ACSS2: variants seen among roughly 807,000 people sequenced by gnomAD.
ACSS2 encodes acetyl-coenzyme A synthetase, cytoplasmic.
ACSS2 carries 58 observed loss-of-function variants against 90.6 expected under a neutral mutation model. The ratio of observed to expected loss-of-function variants is 0.64; its 90% CI spans 0.52 to 0.80. The LOEUF (loss-of-function observed/expected upper bound fraction) is 0.80, where lower values mean the gene tolerates loss of function less well. Ranked by LOEUF, ACSS2 falls within the 30% of genes least tolerant of loss-of-function variation. ACSS2 has a pLI of 0.00. For synonymous variants in ACSS2, 300 were observed against 330.9 expected, an observed-to-expected ratio of 0.91 and a Z score of 1.01; for missense variants, 759 against 912.0, an observed-to-expected ratio of 0.83 and a Z score of 2.16.
intron 2 of ACSS2, among the ~76,000 whole-genome samples, chr20:34,905,719 T>C (rs542398723): frequency 1.9e-4 from 29 of 152,366 alleles, no homozygotes; most frequent in Admixed American, 3.9e-4. Flanking sequence ...CCAGTTTTCC[T>C]GTCCTTCCCC....
intron 2 of ACSS2, among the ~76,000 whole-genome samples, chr20:34,883,301 A>T (rs1048362614): frequency 6.6e-6 from 1 of 152,228 alleles, no homozygotes; most frequent in African/African-American, 2.4e-5. Context: ...GACAAATAGT[A>T]TTGGGTTTTT....
intron 2 of ACSS2, among the ~76,000 whole-genome samples, chr20:34,884,617 A>G (rs1331228899): frequency 2.6e-5 from 4 of 152,192 alleles, no homozygotes; most frequent in Non-Finnish European, 5.9e-5. Context: ...ACCATTGCTT[A>G]GTTGGGGGCC....
At chr20:34,894,578 T>G (rs181336482) in intron 2 of ACSS2, among the ~76,000 whole-genome samples, 1 of 152,010 alleles carries the variant, frequency 6.6e-6, no homozygotes, top group Non-Finnish European at 1.5e-5. Context: ...GGTGGGAGGA[T>G]TTCTTGAGCC....
chr20:34,890,770 T>A (rs893754979), intron 2 of ACSS2, among the ~76,000 whole-genome samples: 2 of 152,138 alleles, frequency 1.3e-5, no homozygotes, highest in East Asian at 3.9e-4. Context: ...GCTCTCAGTA[T>A]ATTTCAATCC....
intron 2 of ACSS2, among the ~76,000 whole-genome samples, chr20:34,900,345 T>A (rs1285710945): frequency 4.0e-5 from 6 of 151,848 alleles, no homozygotes; most frequent in Non-Finnish European, 7.4e-5. Flanking sequence ...AAATTTTTTT[T>A]TTTTTTTTTA....
In ACSS2 at chr20:34,926,930, G is replaced by A. The variant is rs141522623; in HGVS notation, c.1957G>A (p.Gly653Ser). Residue 653 changes from glycine to serine, a missense_variant, in exon 17 of 18, where the codon GGC becomes AGC. Coordinates refer to ENST00000360596, the MANE Select transcript of ACSS2 (RefSeq NM_018677.4). ...ATPDYIQNAP[G>S]LPKTRSGKIM... ...ACCAGACTACATCCAGAATGCACCT[G>A]GCTTGCCTAAAACCCGCTCAGGTAT... 5 of 1,614,068 alleles carry A rather than the reference G, an allele frequency of 3.1e-6. No individual in the cohort carries two copies. Among genetic ancestry groups the A allele is most frequent in the African/African-American group, 1.3e-5 (1 of 74,910 alleles).
rs1450618231 is a variant in ACSS2, at chr20:34,920,646, T to C, written c.1080T>C (p.Gly360=). Residue 360 remains glycine, a synonymous_variant, in exon 9 of 18, where the codon GGT becomes GGC. Transcript: ENST00000360596. ...EDVFWCTADI[G]WITGHSYVTY... is the part of the protein sequence containing the mutation. ...TGTTCTGGTGCACGGCAGACATTGG[T>C]TGGATCACTGGTCATTCCTACGTCA... is the stretch of plus-strand genomic sequence containing the variant. 1 of 1,614,170 alleles carries C rather than the reference T, an allele frequency of 6.2e-7. No homozygotes were observed. Among genetic ancestry groups the C allele is most frequent in the Non-Finnish European group, 8.5e-7 (1 of 1,180,014 alleles).
chr20:34,875,204 G>A (rs540868572), upstream of ACSS2: 13 of 533,792 alleles, frequency 2.4e-5, no homozygotes, highest in East Asian at 7.1e-4. Flanking sequence ...GAAGCTAGAG[G>A]TAATTAAGCC....
intron 2 of ACSS2, among the ~76,000 whole-genome samples, chr20:34,905,506 C>T (rs1242997760): frequency 1.3e-5 from 2 of 151,260 alleles, no homozygotes; most frequent in African/African-American, 4.9e-5. Context: ...ATGATCCGCC[C>T]GCCTCAGCCT....
At position 34,913,184 on chromosome 20, in the gene ACSS2, C is replaced by T; in HGVS notation, c.463C>T (p.Gln155Ter). 4 of 1,614,024 alleles carry T rather than the reference C, an allele frequency of 2.5e-6. No homozygotes were observed. Among genetic ancestry groups the T allele is most frequent in the Non-Finnish European group, 3.4e-6 (4 of 1,179,986 alleles). ...TCAGTTCAGCAATGTTCTCCGAAAA[C>T]AGGGTGAGTGTGGGGGTGTGGGAAA... ...VCQFSNVLRK[Q>*]GIQKGDRVAI... The change falls in exon 3 of 18, where the codon CAG becomes TAG. Residue 155 changes from glutamine (Q) to a stop codon, truncating the protein, a stop_gained. Coordinates refer to ENST00000360596, the MANE Select transcript of ACSS2 (RefSeq NM_018677.4). LOFTEE classifies it high-confidence loss of function.
At chr20:34,912,614 A>G (rs972671496) in intron 2 of ACSS2, 3 of 169,344 alleles carry the variant, frequency 1.8e-5, no homozygotes, top group African/African-American at 7.2e-5. Flanking sequence ...AATTCCTTGT[A>G]CCATCTTGTA....
chr20:34,889,035 C>T (rs1473161676), intron 2 of ACSS2, among the ~76,000 whole-genome samples: 6 of 148,082 alleles, frequency 4.1e-5, no homozygotes, highest in Non-Finnish European at 7.4e-5. Context: ...GACAGAGTCT[C>T]GCTCTGTTGC....
intron 2 of ACSS2, among the ~76,000 whole-genome samples, chr20:34,888,743 A>G (rs1025494200): frequency 6.6e-6 from 1 of 152,206 alleles, no homozygotes; most frequent in Non-Finnish European, 1.5e-5. Context: ...ATGACATTTG[A>G]GCAGAGATCT....
At chr20:34,917,743 GTTGTTTTTGTTT>G (rs563073009) in intron 7 of ACSS2, among the ~76,000 whole-genome samples, 12 of 151,806 alleles carry the variant, frequency 7.9e-5, no homozygotes, top group Middle Eastern at 6.8e-3. Flanking sequence ...GGTTTTTTTT[GTTGTTTTTGTTT>G]TTGTTTTTGT....
Position 34,920,206 on chromosome 20 carries a change from A to G in ACSS2, c.973-333A>G, listed in dbSNP as rs146237464. ...TTCCCACTCACTCTGATGGTGTGTAATTGAGTGTGTGGGCACAAATACACA... is the reference window on the plus strand; with the variant it reads ...TTCCCACTCACTCTGATGGTGTGTAGTTGAGTGTGTGGGCACAAATACACA... On this transcript the variant is annotated intron_variant, in intron 8 of 17. Coordinates refer to ENST00000360596, the MANE Select transcript of ACSS2 (RefSeq NM_018677.4). Among the ~76,000 whole-genome samples, 5 of 152,288 alleles carry G rather than the reference A, an allele frequency of 3.3e-5. No individual in the cohort carries two copies. The East Asian group carries it at 9.6e-4, about 29-fold the overall frequency.
Position 34,915,856 on chromosome 20 carries a change from C to T in ACSS2, c.834+1419C>T, listed in dbSNP as rs528435181. On this transcript the variant is annotated intron_variant, in intron 7 of 17. Coordinates refer to ENST00000360596, the MANE Select transcript of ACSS2 (RefSeq NM_018677.4). ...GGGGGTGCTCAAAGCAGATTAGTAT[C>T]GAGGAAAGAGTGGGCCTGAAGTCCA... 3.3e-5 allele frequency among the ~76,000 whole-genome samples: 5 copies of T among 152,236 alleles called. No individual in the cohort carries two copies. The South Asian group carries it at 6.2e-4, about 19-fold the overall frequency.
chr20:34,919,228 G>A (rs1055844128), intron 7 of ACSS2, among the ~76,000 whole-genome samples: 4 of 152,106 alleles, frequency 2.6e-5, no homozygotes, highest in African/African-American at 9.7e-5. Flanking sequence ...GGGTAGAGAT[G>A]GGGGTAGGAT....
At chr20:34,875,521 A>AT (rs1297805169), upstream of ACSS2, among the ~76,000 whole-genome samples, 1 of 152,228 alleles carries the variant, frequency 6.6e-6, no homozygotes, top group African/African-American at 2.4e-5. Flanking sequence ...GTCAGCCGAG[A>AT]TTGTGCCATT....
intron 2 of ACSS2, among the ~76,000 whole-genome samples, chr20:34,907,256 T>C (rs1201259983): frequency 6.6e-6 from 1 of 151,940 alleles, no homozygotes; most frequent in Non-Finnish European, 1.5e-5. Flanking sequence ...TAGCTGGGTT[T>C]ACAGGCATGC....
Sources: gnomAD v4.1 joint callset for allele counts (sites outside exome capture counted in the v4.1 genomes callset) on GRCh38, gnomAD v4.1.1 for gene constraint, MANE v1.5 for transcripts, NCBI Gene and HGNC (gene_info 2026-07-23, HGNC 2026-07-21) for gene names.